PDSS2: variants seen among roughly 807,000 people sequenced by gnomAD.
The protein encoded by PDSS2 is decaprenyl diphosphate synthase subunit 2.
A neutral mutation model predicts 44.5 loss-of-function variants in PDSS2; 31 were observed. The ratio of observed to expected loss-of-function variants is 0.70; its 90% CI spans 0.52 to 0.94. PDSS2 has a LOEUF of 0.94. Among genes scored for constraint, PDSS2 ranks in the 40% least tolerant of loss-of-function variants. The pLI, the probability that PDSS2 is intolerant of heterozygous loss-of-function variation, is 0.00. For missense variants in PDSS2, 452 were observed against 482.2 expected, an observed-to-expected ratio of 0.94 and a Z score of 0.59; for synonymous variants, 157 against 180.3, an observed-to-expected ratio of 0.87 and a Z score of 1.03.
intron 4 of PDSS2, among the ~76,000 whole-genome samples, chr6:107,235,050 G>A (rs1272957975): frequency 6.6e-6 from 1 of 152,176 alleles, no homozygotes; most frequent in Non-Finnish European, 1.5e-5. Context: ...TGACACCCAA[G>A]AAATGGGAAA....
chr6:107,399,594 A>G (rs1649003625), intron 1 of PDSS2, among the ~76,000 whole-genome samples: 1 of 152,220 alleles, frequency 6.6e-6, no homozygotes, highest in African/African-American at 2.4e-5. Context: ...GGTGCATATA[A>G]AAAAGAGAAA....
intron 1 of PDSS2, among the ~76,000 whole-genome samples, chr6:107,368,066 G>A (rs1276112616): frequency 6.6e-6 from 1 of 151,714 alleles, no homozygotes; most frequent in East Asian, 2.0e-4. Context: ...GTCAAGAGAT[G>A]GAGACCATCT....
At chr6:107,396,612 T>C (rs1005440330) in intron 1 of PDSS2, among the ~76,000 whole-genome samples, 3 of 152,040 alleles carry the variant, frequency 2.0e-5, no homozygotes, top group Non-Finnish European at 2.9e-5. Context: ...AAAATAACTG[T>C]AGAGACTACG....
Position 107,212,238 on chromosome 6 carries a change from C to T in PDSS2, c.747G>A (p.Glu249=). 1 of 1,613,844 alleles carries T rather than the reference C, an allele frequency of 6.2e-7. No individual in the cohort carries two copies. Among genetic ancestry groups the T allele is most frequent in the Non-Finnish European group, 8.5e-7 (1 of 1,179,794 alleles). The stretch of plus-strand genomic sequence containing the variant: ...AGGCACCATGGGAGAGAAAAGTCTG[C>T]TCCTTCCAAGTCGATATTCCAATAT... The part of the protein sequence containing the change: ...TDDIGISTWK[E]QTFLSHGALL... The change falls in exon 5 of 8, where the codon GAG becomes GAA. Residue 249 remains glutamate (E), a synonymous_variant. Transcript: ENST00000369037.
chr6:107,208,199 T>TGCC (rs914686564), intron 6 of PDSS2, among the ~76,000 whole-genome samples: 46 of 150,028 alleles, frequency 3.1e-4, no homozygotes, highest in Admixed American at 1.3e-3. Flanking sequence ...TTGGTCAGGC[T>TGCC]GGTCTCGAAC....
rs1562468628 is a variant in PDSS2 at position 107,334,251 on chromosome 6, G to C, written c.378C>G (p.Ser126Arg). The C allele has an allele frequency of 6.2e-7, 1 of 1,613,584 alleles. No individual in the cohort carries two copies. The highest frequency in any genetic ancestry group is 2.2e-5 in the East Asian group (1 of 44,856). The change falls in exon 2 of 8, where the codon AGC (serine) becomes AGG (arginine). Residue 126 changes from serine (S) to arginine (R), a missense_variant. Coordinates refer to ENST00000369037, the MANE Select transcript of PDSS2 (RefSeq NM_020381.4). ...AGTTCTGACATGAAGTGTTCACGCT[G>C]CTGGGCCCAGCTGCTTTAGAGATAA... ...VLLISKAAGP[S>R]SVNTSCQNYD...
intron 1 of PDSS2, among the ~76,000 whole-genome samples, chr6:107,375,874 C>T (rs1779270100): frequency 6.6e-6 from 1 of 152,174 alleles, no homozygotes; most frequent in Admixed American, 6.5e-5. Flanking sequence ...GTTGGTTTAA[C>T]ATTTGTATGA....
chr6:107,418,232 C>T (rs1780723663), intron 1 of PDSS2, among the ~76,000 whole-genome samples: 2 of 152,080 alleles, frequency 1.3e-5, no homozygotes, highest in African/African-American at 4.8e-5. Context: ...CCCAACATAA[C>T]CACAGGGGTG....
chr6:107,383,596 A>C (rs1779520588), intron 1 of PDSS2, among the ~76,000 whole-genome samples: 3 of 152,124 alleles, frequency 2.0e-5, no homozygotes, highest in Non-Finnish European at 4.4e-5. Flanking sequence ...GATACAAATA[A>C]AGAAACTTTC....
Position 107,459,404 on chromosome 6 carries a change from A to C in PDSS2, c.-119T>G. Reference sequence around the variant, plus strand: ...GGAAGCGGCAATTCTTGACCCTCAGAGTAAGGTGGCTTCCTGGAGCAGTGA... The same window carrying C: ...GGAAGCGGCAATTCTTGACCCTCAGCGTAAGGTGGCTTCCTGGAGCAGTGA... On this transcript the variant is annotated 5_prime_UTR_variant, in exon 1 of 8. Transcript: ENST00000369037. The surrounding 1 kb of genome is among the most constrained non-coding windows in gnomAD (Gnocchi z 4.3). 1.3e-6 allele frequency: 1 copy of C among 791,190 alleles called. No homozygotes were observed. The allele number at this position is 791,190 out of a possible 1,614,324, so 49.0% of individuals were successfully genotyped here. A position where few individuals can be genotyped will look rare whatever the true frequency, so the allele number is the denominator to read the frequency against.
At chr6:107,303,749 A>G (rs1018640854) in intron 2 of PDSS2, among the ~76,000 whole-genome samples, 2 of 152,142 alleles carry the variant, frequency 1.3e-5, no homozygotes, top group Non-Finnish European at 2.9e-5. Flanking sequence ...CCTATTCTCT[A>G]TTATTGTAAA....
intron 7 of PDSS2, among the ~76,000 whole-genome samples, chr6:107,168,495 A>G (rs1554247930): frequency 6.6e-6 from 1 of 151,498 alleles, no homozygotes; most frequent in African/African-American, 2.4e-5. Flanking sequence ...TAATATTGTT[A>G]TGTGTGAATT....
At chr6:107,411,798 T>A (rs578155256) in intron 1 of PDSS2, among the ~76,000 whole-genome samples, 97 of 152,032 alleles carry the variant, frequency 6.4e-4, no homozygotes, top group Non-Finnish European at 8.7e-4. Context: ...TGAGCATCTA[T>A]GGATGTTAGT....
chr6:107,430,193 T>G (rs1380307165), intron 1 of PDSS2, among the ~76,000 whole-genome samples: 1 of 151,950 alleles, frequency 6.6e-6, no homozygotes, highest in African/African-American at 2.4e-5. Context: ...TTAAACCACT[T>G]TAACTTCAAA....
At chr6:107,430,704 G>T (rs1781167975) in intron 1 of PDSS2, among the ~76,000 whole-genome samples, 1 of 151,120 alleles carries the variant, frequency 6.6e-6, no homozygotes, top group Non-Finnish European at 1.5e-5. Context: ...AGCTACTCAG[G>T]AGGCTGAGGT....
intron 1 of PDSS2, among the ~76,000 whole-genome samples, chr6:107,422,133 A>G (rs2114706340): frequency 6.6e-6 from 1 of 151,900 alleles, no homozygotes; most frequent in African/African-American, 2.4e-5. Flanking sequence ...GACCCTTAAT[A>G]TATGAAGAGC....
intron 6 of PDSS2, among the ~76,000 whole-genome samples, chr6:107,205,831 G>A (rs534743626): frequency 1.3e-5 from 2 of 152,172 alleles, no homozygotes; most frequent in Admixed American, 1.3e-4. Flanking sequence ...AAATCCCAGG[G>A]GTGCTCTTGC....
intron 1 of PDSS2, among the ~76,000 whole-genome samples, chr6:107,439,922 G>A (rs943404985): frequency 1.3e-5 from 2 of 152,162 alleles, no homozygotes; most frequent in Non-Finnish European, 2.9e-5. Flanking sequence ...TTACCACCAA[G>A]AAGAGAGTAC....
At chr6:107,234,536 T>TG (rs1472238454) in intron 4 of PDSS2, among the ~76,000 whole-genome samples, 1 of 149,568 alleles carries the variant, frequency 6.7e-6, no homozygotes, top group Non-Finnish European at 1.5e-5. Context: ...TTTTTTTTTT[T>TG]GTCTACCTAA....
Sources: allele counts gnomAD v4.1 joint callset (sites outside exome capture counted in the v4.1 genomes callset), GRCh38; gene constraint gnomAD v4.1.1; non-coding constraint Gnocchi (gnomAD v3.1); transcripts MANE v1.5; gene names NCBI Gene and HGNC (gene_info 2026-07-23, HGNC 2026-07-21).